Variants in PCDH15 observed in about 807,000 individuals in gnomAD.
PCDH15 encodes the protein protocadherin-15.
A neutral mutation model predicts 178.5 loss-of-function variants in PCDH15; 129 were observed. That is an observed-to-expected ratio of 0.72 (90% CI 0.63 to 0.84). PCDH15 has a LOEUF of 0.84. Ranked by LOEUF, PCDH15 falls within the 40% of genes least tolerant of loss-of-function variation. The pLI is 0.00. For missense variants in PCDH15, 2,230 were observed against 2,099.9 expected, an observed-to-expected ratio of 1.06 and a Z score of -1.21; for synonymous variants, 800 against 732.0, an observed-to-expected ratio of 1.09 and a Z score of -1.50.
chr10:54,246,733 G>A (rs920007754), intron 8 of PCDH15, among the ~76,000 whole-genome samples: 8 of 151,802 alleles, frequency 5.3e-5, no homozygotes, highest in African/African-American at 1.9e-4. Context: ...ATTCTGATAG[G>A]CTAGATTACT....
chr10:55,052,146 G>A (rs1322828339), intron 2 of PCDH15, among the ~76,000 whole-genome samples: 3 of 150,780 alleles, frequency 2.0e-5, no homozygotes, highest in African/African-American at 7.3e-5. Flanking sequence ...GGAGTGCAGT[G>A]GTTGGATCTC....
chr10:54,279,390 G>A (rs759404514), intron 8 of PCDH15, among the ~76,000 whole-genome samples: 13 of 151,564 alleles, frequency 8.6e-5, no homozygotes, highest in African/African-American at 2.7e-4. Context: ...TCTCCCAATA[G>A]TGCACAAATA....
chr10:55,140,650 C>G (rs1195049503), intron 2 of PCDH15, among the ~76,000 whole-genome samples: 4 of 151,910 alleles, frequency 2.6e-5, no homozygotes, highest in Non-Finnish European at 5.9e-5. Context: ...ATTGTGCTCT[C>G]TTGATCTATT....
At chr10:54,561,980 CTTTTT>C (rs575547228) in intron 2 of PCDH15, among the ~76,000 whole-genome samples, 101 of 75,228 alleles carry the variant, frequency 1.3e-3, no homozygotes, top group East Asian at 0.012. Context: ...CCGCACCCAG[CTTTTT>C]TTTTTTTTTT....
chr10:55,592,063 A>C (rs1375998123), intron 2 of PCDH15, among the ~76,000 whole-genome samples: 1 of 152,174 alleles, frequency 6.6e-6, no homozygotes, highest in Non-Finnish European at 1.5e-5. Flanking sequence ...ACGTATTTCT[A>C]GTAGAAAAAT....
intron 10 of PCDH15, among the ~76,000 whole-genome samples, chr10:54,203,835 A>G (rs1031185013): frequency 6.6e-6 from 1 of 152,244 alleles, no homozygotes; most frequent in Admixed American, 6.5e-5. Flanking sequence ...TGACCGAACT[A>G]CCAATGATTC....
At chr10:53,880,606 A>T (rs950847022) in intron 26 of PCDH15, among the ~76,000 whole-genome samples, 24 of 21,458 alleles carry the variant, frequency 1.1e-3, no homozygotes, top group East Asian at 6.1e-3. Flanking sequence ...AAAATTTTTA[A>T]AAAAACCTTT....
At chr10:55,567,635 A>G (rs1842328294) in intron 2 of PCDH15, among the ~76,000 whole-genome samples, 1 of 152,166 alleles carries the variant, frequency 6.6e-6, no homozygotes, top group Non-Finnish European at 1.5e-5. Flanking sequence ...AAAATACTTG[A>G]ATAGACATTT....
intron 18 of PCDH15, among the ~76,000 whole-genome samples, chr10:54,046,026 A>G (rs2093648043): frequency 6.6e-6 from 1 of 152,174 alleles, no homozygotes; most frequent in Non-Finnish European, 1.5e-5. Flanking sequence ...CAACAGATAA[A>G]TAAGAAACTC....
At chr10:54,630,590 G>T (rs1369933730) in intron 2 of PCDH15, among the ~76,000 whole-genome samples, 1 of 152,082 alleles carries the variant, frequency 6.6e-6, no homozygotes, top group African/African-American at 2.4e-5. Context: ...ATCAGCCTTG[G>T]CTAAGAATTT....
At chr10:54,407,304 C>T (rs911211477) in intron 3 of PCDH15, among the ~76,000 whole-genome samples, 2 of 151,934 alleles carry the variant, frequency 1.3e-5, no homozygotes, top group African/African-American at 4.8e-5. Context: ...TGTGTATATA[C>T]TTTTCAAAGC....
At chr10:55,174,571 C>G (rs1385692129) in intron 1 of PCDH15, among the ~76,000 whole-genome samples, 3 of 152,198 alleles carry the variant, frequency 2.0e-5, no homozygotes. Context: ...TATTCCAAAG[C>G]TTTGCCAACA....
intron 21 of PCDH15, among the ~76,000 whole-genome samples, chr10:53,969,152 G>A (rs1414384863): frequency 1.3e-5 from 2 of 152,136 alleles, no homozygotes; most frequent in Non-Finnish European, 2.9e-5. Context: ...ACAGTGTAGA[G>A]AAGACCTTAA....
At chr10:54,299,279 G>A (rs2060002960) in intron 8 of PCDH15, among the ~76,000 whole-genome samples, 1 of 149,722 alleles carries the variant, frequency 6.7e-6, no homozygotes, top group South Asian at 2.1e-4. Flanking sequence ...GAGACAGAGA[G>A]TCAAAGAAGT....
At chr10:54,158,934 C>T (rs2045435285) in intron 13 of PCDH15, among the ~76,000 whole-genome samples, 1 of 151,890 alleles carries the variant, frequency 6.6e-6, no homozygotes, top group Non-Finnish European at 1.5e-5. Context: ...GGTGAAACCC[C>T]ATCTCTACTA....
intron 26 of PCDH15, among the ~76,000 whole-genome samples, chr10:53,876,175 CTTGT>C (rs1380385281): frequency 3.0e-5 from 4 of 131,892 alleles, no homozygotes; most frequent in Non-Finnish European, 6.0e-5. Flanking sequence ...TAACTTGAGT[CTTGT>C]TTTTTTTTTT....
chr10:54,154,846 G>A (rs1228760710), intron 13 of PCDH15, among the ~76,000 whole-genome samples: 1 of 152,074 alleles, frequency 6.6e-6, no homozygotes, highest in African/African-American at 2.4e-5. Flanking sequence ...TCTGCGACTT[G>A]TATAAGCCTG....
chr10:53,886,703 C>T (rs945042333), intron 26 of PCDH15, among the ~76,000 whole-genome samples: 55 of 145,288 alleles, frequency 3.8e-4, no homozygotes, highest in African/African-American at 1.3e-3. Context: ...GCCCATTCCT[C>T]AAAAGAGGTT....
intron 15 of PCDH15, among the ~76,000 whole-genome samples, chr10:54,122,606 A>C (rs1295680044): frequency 3.3e-5 from 5 of 152,062 alleles, no homozygotes; most frequent in African/African-American, 1.2e-4. Flanking sequence ...AAAAAATCAG[A>C]CTATCTGCCT....
Sources: gnomAD v4.1 joint callset for allele counts (sites outside exome capture counted in the v4.1 genomes callset) on GRCh38, gnomAD v4.1.1 for gene constraint, MANE v1.5 for transcripts, NCBI Gene and HGNC (gene_info 2026-07-23, HGNC 2026-07-21) for gene names.